Variants in LNX1 observed in about 807,000 individuals in gnomAD.
LNX1 encodes E3 ubiquitin-protein ligase LNX.
In LNX1, 54 loss-of-function variants were observed where a neutral mutation model predicts 68.4. The ratio of observed to expected loss-of-function variants is 0.79; its 90% CI spans 0.63 to 0.99. LNX1 has a LOEUF of 0.99. Ranked by LOEUF, LNX1 falls within the 50% of genes least tolerant of loss-of-function variation. The pLI is 0.00. For synonymous variants in LNX1, 336 were observed against 350.0 expected (o/e 0.96, Z 0.45); for missense variants, 906 against 926.4 (o/e 0.98, Z 0.29).
rs558816611 is a variant in LNX1 at position 53,508,311 on chromosome 4, G to T, written c.381-84C>A. 751 of 1,517,382 alleles carry T rather than the reference G, an allele frequency of 4.9e-4. 8 individuals carry two copies. The South Asian group carries it at 9.0e-3, about 18-fold the overall frequency. The allele number at this position is 1,517,382 out of a possible 1,614,324, so 94.0% of individuals were successfully genotyped here. Reference sequence around the variant, plus strand: ...TCAGCCCTCTTCAAATACAATTGAAGAATGTATAATAGGCTTGTTGAACTT... The same window carrying T: ...TCAGCCCTCTTCAAATACAATTGAATAATGTATAATAGGCTTGTTGAACTT... On this transcript the variant is annotated intron_variant, in intron 2 of 10. Coordinates refer to ENST00000263925, the MANE Select transcript of LNX1 (RefSeq NM_001126328.3).
At chr4:53,589,831 C>G (rs1034246256) in intron 1 of LNX1, among the ~76,000 whole-genome samples, 2 of 152,236 alleles carry the variant, frequency 1.3e-5, no homozygotes, top group African/African-American at 4.8e-5. Context: ...GTCTTTGTCA[C>G]TTCTTTTCTT....
Position 53,507,454 on chromosome 4 carries a change from C to A in LNX1, c.638G>T (p.Arg213Ile). Residue 213 changes from arginine to isoleucine, a missense_variant, in exon 4 of 11, where the codon AGA (arginine) becomes ATA (isoleucine). Physicochemically the swap from Arg to Ile is moderately conservative, Grantham distance 97. Transcript: ENST00000263925. Reference protein sequence around the residue: ...SNRTRARPFERSTIRSRSFKK... With the variant: ...SNRTRARPFEISTIRSRSFKK... ...AAATGATCTGCTTCTAATAGTGGAT[C>A]TCTCAAAGGGCCGTGCTGAGGAATA... The A allele has an allele frequency of 6.2e-7, 1 of 1,614,068 alleles. No individual in the cohort carries two copies. The highest frequency in any genetic ancestry group is 8.5e-7 in the Non-Finnish European group (1 of 1,179,958).
chr4:53,461,169 A>G, intron 10 of LNX1, 127 bp from the exon 11 acceptor site: 1 of 793,636 alleles, frequency 1.3e-6, no homozygotes, highest in South Asian at 2.0e-5. Context: ...CTTCTAATTG[A>G]GATATTTCTT....
chr4:53,510,439 G>A (rs561211745), intron 2 of LNX1, among the ~76,000 whole-genome samples: 1 of 152,326 alleles, frequency 6.6e-6, no homozygotes, highest in East Asian at 1.9e-4. Flanking sequence ...TCTTCTAGAT[G>A]AGAAAACAGG....
intron 2 of LNX1, among the ~76,000 whole-genome samples, chr4:53,558,659 AAG>A (rs1730087584): frequency 6.6e-6 from 1 of 152,224 alleles, no homozygotes. Flanking sequence ...CAGAATAACA[AAG>A]AGCCTGGATA....
At chr4:53,630,637 A>T (rs964508698) in intron 1 of LNX1, among the ~76,000 whole-genome samples, 2 of 152,138 alleles carry the variant, frequency 1.3e-5, no homozygotes, top group African/African-American at 4.8e-5. Flanking sequence ...TCCTTCAGGC[A>T]CGCATCACAG....
At position 53,632,602 on chromosome 4, in the gene LNX1, TC is replaced by T. The variant is rs548782815; in HGVS notation, c.-215+19565del. Among the ~76,000 whole-genome samples, 496 of 152,328 alleles carry T rather than the reference TC, an allele frequency of 3.3e-3. 2 individuals carry two copies. The highest frequency in any genetic ancestry group is 4.0e-3 in the Non-Finnish European group (270 of 68,028). Reference sequence around the variant, plus strand: ...CTAAAGCTAGGTAGTTGAGGCTGTATCTTTGCTTGGAATTTTCCCTGCTCTA... The same window carrying T: ...CTAAAGCTAGGTAGTTGAGGCTGTATTTTGCTTGGAATTTTCCCTGCTCTA... On this transcript the variant is annotated intron_variant, in intron 1 of 2. Coordinates refer to the LNX1 transcript ENST00000507168.
intron 1 of LNX1, among the ~76,000 whole-genome samples, chr4:53,649,677 CTTG>C (rs1184072814): frequency 2.0e-5 from 3 of 152,186 alleles, no homozygotes; most frequent in African/African-American, 7.2e-5. Flanking sequence ...CAGTCTTTAC[CTTG>C]TTAATCTCTG....
chr4:53,638,271 C>G (rs1252027799), intron 1 of LNX1, among the ~76,000 whole-genome samples: 1 of 152,198 alleles, frequency 6.6e-6, no homozygotes, highest in African/African-American at 2.4e-5. Flanking sequence ...AAGAAATAGA[C>G]CTTTCGATAC....
chr4:53,478,469 T>A, intron 8 of LNX1, 96 bp downstream of exon 8: 1 of 1,072,424 alleles, frequency 9.3e-7, no homozygotes, highest in Non-Finnish European at 1.3e-6. Context: ...CACTCCCACA[T>A]TCTCTCATTA....
intron 2 of LNX1, among the ~76,000 whole-genome samples, chr4:53,522,398 G>A (rs1361160254): frequency 1.3e-5 from 2 of 152,144 alleles, no homozygotes; most frequent in Non-Finnish European, 2.9e-5. Flanking sequence ...AAGGCACCAG[G>A]CTTGGTGCTC....
chr4:53,554,199 G>T (rs2109711953), intron 2 of LNX1, among the ~76,000 whole-genome samples: 1 of 152,172 alleles, frequency 6.6e-6, no homozygotes, highest in East Asian at 1.9e-4. Context: ...ATATGCAAGG[G>T]GTTTCTCCTG....
chr4:53,467,672 G>C (rs1036154735), intron 9 of LNX1, among the ~76,000 whole-genome samples: 1 of 152,190 alleles, frequency 6.6e-6, no homozygotes, highest in Non-Finnish European at 1.5e-5. Context: ...GAAAACCACG[G>C]CACGAGAACT....
At chr4:53,632,175 C>A (rs903101545) in intron 1 of LNX1, among the ~76,000 whole-genome samples, 3 of 152,164 alleles carry the variant, frequency 2.0e-5, no homozygotes, top group African/African-American at 7.2e-5. Context: ...CTGAGGCTGG[C>A]CGCTGCGGTG....
chr4:53,481,870 C>A lies in LNX1; in HGVS notation c.1351-16G>T. 1 of 1,566,462 alleles carries A rather than the reference C, an allele frequency of 6.4e-7. No homozygotes were observed. The highest frequency in any genetic ancestry group is 1.2e-5 in the South Asian group (1 of 85,226). On this transcript the variant is annotated splice_polypyrimidine_tract_variant and intron_variant, in intron 6 of 10. Coordinates refer to ENST00000263925, the MANE Select transcript of LNX1 (RefSeq NM_001126328.3). Reference sequence around the variant, plus strand: ...TTTCACTGGCCTGGGCAAGAAGACACAGGCATTAGCCACTGTCAGTTTCCA... The same window carrying A: ...TTTCACTGGCCTGGGCAAGAAGACAAAGGCATTAGCCACTGTCAGTTTCCA...
chr4:53,539,352 T>C (rs1327328537), intron 2 of LNX1: 1 of 149,926 alleles, frequency 6.7e-6, no homozygotes, highest in African/African-American at 2.5e-5. Context: ...AGATGTCCTT[T>C]AGTTTCTCTT....
intron 9 of LNX1, among the ~76,000 whole-genome samples, chr4:53,470,472 G>A (rs1723076376): frequency 2.0e-5 from 3 of 152,278 alleles, no homozygotes; most frequent in South Asian, 4.1e-4. Context: ...TCAACATAGT[G>A]TTGGAAGTTC....
intron 2 of LNX1, among the ~76,000 whole-genome samples, chr4:53,610,297 A>T (rs1733428334): frequency 6.6e-6 from 1 of 152,170 alleles, no homozygotes. Context: ...AAATTTAAAA[A>T]TACTTAGAAA....
At chr4:53,483,577 G>C (rs1251238129) in intron 6 of LNX1, among the ~76,000 whole-genome samples, 1 of 152,168 alleles carries the variant, frequency 6.6e-6, no homozygotes, top group African/African-American at 2.4e-5. Flanking sequence ...TATCACTTTA[G>C]TAAAAGTTGA....
Sources: gnomAD v4.1 joint callset for allele counts (sites outside exome capture counted in the v4.1 genomes callset) on GRCh38, gnomAD v4.1.1 for gene constraint, MANE v1.5 for transcripts, NCBI Gene and HGNC (gene_info 2026-07-23, HGNC 2026-07-21) for gene names.